The following U2AF2 variants were observed in gnomAD, a reference collection of about 807,000 sequenced individuals.
U2AF2 encodes the protein U2 small nuclear RNA auxiliary factor 2, also known as splicing factor U2AF 65 kDa subunit.
Under a neutral mutation model 52.6 loss-of-function variants are expected in U2AF2, and 6 were observed. The observed-to-expected ratio is 0.11, with a 90% CI of 0.06 to 0.23. The LOEUF is 0.23. Among genes scored for constraint, U2AF2 ranks in the 10% least tolerant of loss-of-function variants. U2AF2 has a pLI of 1.00. For missense variants in U2AF2, 222 were observed against 677.1 expected (o/e 0.33, Z 7.46); for synonymous variants, 284 against 258.2 (o/e 1.10, Z -0.96).
At chr19:55,673,890 G>GAACAA in intron 11 of U2AF2, 44 bp from the exon 12 acceptor site, 1 of 1,577,102 alleles carries the variant, frequency 6.3e-7, no homozygotes, top group Non-Finnish European at 8.6e-7. Flanking sequence ...ACTGGCTGTT[G>GAACAA]GGCGTGAGCC....
chr19:55,663,793 C>T lies in U2AF2; in HGVS notation c.742+49C>T, dbSNP rs188818362. On this transcript the variant is annotated intron_variant, in intron 7 of 11. Coordinates refer to ENST00000308924, the MANE Select transcript of U2AF2 (RefSeq NM_007279.3). ...CCCCTTTCTCCCCCAGTCCTGTTCC[C>T]ATGGCCTGTCCATCCCTTCAGCCCA... 403 of 1,607,792 alleles carry T rather than the reference C, an allele frequency of 2.5e-4. 1 individual carries two copies. Among genetic ancestry groups the T allele is most frequent in the Non-Finnish European group, 3.0e-4 (355 of 1,176,144 alleles).
chr19:55,670,778 G>A (rs1032534221), intron 11 of U2AF2: 2 of 179,548 alleles, frequency 1.1e-5, no homozygotes, highest in Non-Finnish European at 2.4e-5. Context: ...AGGCCTCCAG[G>A]GTGGTCACGC....
intron 1 of U2AF2, among the ~76,000 whole-genome samples, chr19:55,658,238 C>T (rs3786648): frequency 0.22 from 33,462 of 151,770 alleles, 4,148 homozygotes; most frequent in East Asian, 0.35. Flanking sequence ...TCATGGCTAG[C>T]TGAGAAATCT....
intron 4 of U2AF2, 146 bp from the exon 5 acceptor site, chr19:55,660,892 A>G (rs944493853): frequency 1.7e-5 from 23 of 1,351,724 alleles, no homozygotes; most frequent in Non-Finnish European, 2.3e-5. Flanking sequence ...GGGGGCCCCG[A>G]GGGTGGAAAG....
intron 7 of U2AF2, among the ~76,000 whole-genome samples, chr19:55,667,705 C>T (rs999561889): frequency 2.6e-5 from 4 of 152,178 alleles, no homozygotes; most frequent in African/African-American, 9.6e-5. Flanking sequence ...CTCATCGTGT[C>T]GTGCCACCCC....
rs11376705 is a variant in U2AF2 at position 55,673,322 on chromosome 19, CT to C, written c.1294-600del. Among the ~76,000 whole-genome samples the C allele has an allele frequency of 2.5e-3, 362 of 146,408 alleles. 3 individuals are homozygous for C. The highest frequency in any genetic ancestry group is 8.4e-3 in the African/African-American group (334 of 39,920). On this transcript the variant is annotated intron_variant, in intron 11 of 11. Transcript: ENST00000308924. ...ATTTATCCTTTGTACCTCACTCCCTCTTTTTTTTTTTTGCAAGCTCTTTTAT... is the reference window on the plus strand; with the variant it reads ...ATTTATCCTTTGTACCTCACTCCCTCTTTTTTTTTTTGCAAGCTCTTTTAT...
In U2AF2 at chr19:55,673,812, A is replaced by C; in HGVS notation, c.1294-122A>C. 3 of 1,388,062 alleles carry C rather than the reference A, an allele frequency of 2.2e-6. No individual in the cohort carries two copies. In the Admixed American group the frequency reaches 7.5e-5, roughly 35 times the overall value. The allele number at this position is 1,388,062 out of a possible 1,614,324, so 86.0% of individuals were successfully genotyped here. A position where few individuals can be genotyped will look rare whatever the true frequency, so the allele number is the denominator to read the frequency against. ...CCTGCTTACTAAGGGTCCCTTTCTG[A>C]CACCTGTGGCGAAGCCCCCTCCTCC... On this transcript the variant is annotated intron_variant, in intron 11 of 11. Transcript: ENST00000308924.
intron 7 of U2AF2, among the ~76,000 whole-genome samples, chr19:55,667,077 G>A (rs1344234472): frequency 6.6e-6 from 1 of 152,194 alleles, no homozygotes; most frequent in Non-Finnish European, 1.5e-5. Context: ...TAGCATAGGA[G>A]CTGGGTCTCC....
intron 6 of U2AF2, among the ~76,000 whole-genome samples, 196 bp downstream of exon 6, chr19:55,662,814 G>T (rs1227015685): frequency 6.6e-6 from 1 of 152,058 alleles, no homozygotes; most frequent in Non-Finnish European, 1.5e-5. Context: ...TTTGCTTTCT[G>T]TGTGACCTGA....
intron 1 of U2AF2, 33 bp downstream of exon 1, chr19:55,655,186 G>T: frequency 6.3e-7 from 1 of 1,591,944 alleles, no homozygotes; most frequent in African/African-American, 1.4e-5. Flanking sequence ...GCGGAGGTGT[G>T]GGCGGCTCCT....
chr19:55,666,294 C>T (rs745874310), intron 7 of U2AF2, among the ~76,000 whole-genome samples: 28 of 152,240 alleles, frequency 1.8e-4, no homozygotes, highest in Admixed American at 5.9e-4. Context: ...CCCACACAGC[C>T]TCTGCTCCAG....
rs1984666882 is a variant in U2AF2 at position 55,668,236 on chromosome 19, G to A, written c.743-271G>A. The stretch of plus-strand genomic sequence containing the variant: ...GGTGTGAACTTTGTGCCTTTGGAGC[G>A]TTCTGGAGGATGTTCTAGTTTGAGG... On this transcript the variant is annotated intron_variant, in intron 7 of 11. Coordinates refer to ENST00000308924, the MANE Select transcript of U2AF2 (RefSeq NM_007279.3). This position sits in a 1 kb window ranked among gnomAD's most constrained non-coding sequence, Gnocchi z 5.5. Among the ~76,000 whole-genome samples, 2 of 152,224 alleles carry A rather than the reference G, an allele frequency of 1.3e-5. No individual in the cohort carries two copies. Among genetic ancestry groups the A allele is most frequent in the Non-Finnish European group, 2.9e-5 (2 of 68,010 alleles).
intron 2 of U2AF2, 33 bp from the exon 3 acceptor site, chr19:55,660,143 AC>A: frequency 2.5e-6 from 4 of 1,577,376 alleles, no homozygotes; most frequent in Non-Finnish European, 3.5e-6. Flanking sequence ...GTCCCCAGTC[AC>A]CCCTCCCCAT....
chr19:55,656,209 A>G (rs1371346817), intron 1 of U2AF2, among the ~76,000 whole-genome samples: 1 of 152,228 alleles, frequency 6.6e-6, no homozygotes, highest in Non-Finnish European at 1.5e-5. Flanking sequence ...GAAATACAGG[A>G]CCAGGGAAGA....
At chr19:55,665,584 C>G (rs1454047382) in intron 7 of U2AF2, among the ~76,000 whole-genome samples, 1 of 152,202 alleles carries the variant, frequency 6.6e-6, no homozygotes, top group East Asian at 1.9e-4. Context: ...CACGGCAGTT[C>G]TACGACACAG....
At position 55,655,140 on chromosome 19, in the gene U2AF2, C is replaced by G; in HGVS notation, c.36C>G (p.Asn12Lys). 3 of 1,604,692 alleles carry G rather than the reference C, an allele frequency of 1.9e-6. No individual in the cohort carries two copies. The highest frequency in any genetic ancestry group is 2.5e-6 in the Non-Finnish European group (3 of 1,176,498). Reference protein sequence around the residue: ...SDFDEFERQLNENKQERDKEN... With the variant: ...SDFDEFERQLKENKQERDKEN... Reference sequence around the variant, plus strand: ...TCGACGAGTTCGAGCGGCAGCTCAACGAGAATAAACAAGGTGAGGGCACCG... The same window carrying G: ...TCGACGAGTTCGAGCGGCAGCTCAAGGAGAATAAACAAGGTGAGGGCACCG... The change falls in exon 1 of 12, where the codon AAC (asparagine) becomes AAG (lysine). Residue 12 changes from asparagine (N) to lysine (K), a missense_variant. Physicochemically the swap from Asn to Lys is moderately conservative, Grantham distance 94 (BLOSUM62 0). Coordinates refer to ENST00000308924, the MANE Select transcript of U2AF2 (RefSeq NM_007279.3).
chr19:55,655,319 G>A (rs1329336527), intron 1 of U2AF2, among the ~76,000 whole-genome samples, 166 bp downstream of exon 1: 5 of 152,126 alleles, frequency 3.3e-5, no homozygotes, highest in African/African-American at 1.2e-4. Context: ...CCAGCGTTCC[G>A]CCGCGCGCTA....
At chr19:55,658,103 G>A (rs1054399002) in intron 1 of U2AF2, among the ~76,000 whole-genome samples, 3 of 152,154 alleles carry the variant, frequency 2.0e-5, no homozygotes, top group Admixed American at 2.0e-4. Flanking sequence ...CTGTGGGTGA[G>A]GCTGAAGTTT....
At chr19:55,665,238 T>C (rs545001762) in intron 7 of U2AF2, among the ~76,000 whole-genome samples, 17 of 152,364 alleles carry the variant, frequency 1.1e-4, no homozygotes, top group Admixed American at 3.3e-4. Context: ...GCTTAGTGTG[T>C]GTCAGGCGCT....
Sources: allele counts gnomAD v4.1 joint callset (sites outside exome capture counted in the v4.1 genomes callset), GRCh38; gene constraint gnomAD v4.1.1; non-coding constraint Gnocchi (gnomAD v3.1); transcripts MANE v1.5; gene names NCBI Gene and HGNC (gene_info 2026-07-23, HGNC 2026-07-21).